FMNL2: variants seen among roughly 807,000 people sequenced by gnomAD.
FMNL2 encodes formin-like protein 2.
FMNL2 carries 51 observed loss-of-function variants against 130.2 expected under a neutral mutation model. The ratio of observed to expected loss-of-function variants is 0.39; its 90% CI spans 0.31 to 0.49. The LOEUF (loss-of-function observed/expected upper bound fraction) is 0.49. Among genes scored for constraint, FMNL2 ranks in the 20% least tolerant of loss-of-function variants. The pLI, the probability that FMNL2 is intolerant of heterozygous loss-of-function variation, is 0.85. For synonymous variants in FMNL2, 465 were observed against 467.1 expected (o/e 1.00, Z 0.06); for missense variants, 977 against 1,316.2 (o/e 0.74, Z 3.99).
At chr2:152,539,059 A>G (rs984969596) in intron 2 of FMNL2, 1 of 152,136 alleles carries the variant, frequency 6.6e-6, no homozygotes, top group Non-Finnish European at 1.5e-5. Flanking sequence ...AAACTGCTTC[A>G]TATCCCATGT....
intron 15 of FMNL2, among the ~76,000 whole-genome samples, chr2:152,623,687 C>G (rs1199854818): frequency 6.6e-6 from 1 of 152,110 alleles, no homozygotes; most frequent in African/African-American, 2.4e-5. Flanking sequence ...CTAATAATGA[C>G]AAATAGTGAA....
intron 5 of FMNL2, 113 bp from the exon 6 acceptor site, chr2:152,560,770 G>A: frequency 2.1e-6 from 2 of 947,470 alleles, no homozygotes; most frequent in Non-Finnish European, 2.9e-6. Context: ...TGTTTACAAA[G>A]ACTTTCCATA....
At chr2:152,337,044 G>T (rs1190699168) in intron 1 of FMNL2, among the ~76,000 whole-genome samples, 2 of 152,186 alleles carry the variant, frequency 1.3e-5, no homozygotes, top group Admixed American at 6.5e-5. Context: ...TGATGTTCTG[G>T]ATGGCAGGTT....
intron 1 of FMNL2, among the ~76,000 whole-genome samples, chr2:152,342,586 A>G (rs1482120759): frequency 6.6e-6 from 1 of 152,196 alleles, no homozygotes; most frequent in African/African-American, 2.4e-5. Context: ...GAGATAGCTC[A>G]TTGCTTGTCT....
chr2:152,542,909 A>G, intron 3 of FMNL2, 90 bp downstream of exon 3: 1 of 1,398,546 alleles, frequency 7.2e-7, no homozygotes, highest in Non-Finnish European at 1.0e-6. Context: ...CTTCCTCTGC[A>G]TTAGAGCCTC....
intron 3 of FMNL2, among the ~76,000 whole-genome samples, chr2:152,543,729 CA>C (rs71394490): frequency 0.042 from 2,554 of 61,284 alleles, 48 homozygotes; most frequent in East Asian, 0.23. Flanking sequence ...ACCCCCCGAC[CA>C]AAAAAAAAAA....
intron 9 of FMNL2, among the ~76,000 whole-genome samples, chr2:152,606,385 A>T (rs1451234820): frequency 6.6e-6 from 1 of 152,200 alleles, no homozygotes; most frequent in Non-Finnish European, 1.5e-5. Flanking sequence ...TCAACCAAGG[A>T]CATTGACAGA....
intron 1 of FMNL2, among the ~76,000 whole-genome samples, chr2:152,387,945 C>T (rs1196435038): frequency 7.2e-5 from 11 of 152,126 alleles, no homozygotes; most frequent in South Asian, 4.2e-4. Context: ...TGGGCCACTG[C>T]GCTTGGCTGC....
Position 152,496,787 on chromosome 2 carries a change from T to C in FMNL2, c.118-25156T>C, listed in dbSNP as rs577565043. 2.6e-5 allele frequency among the ~76,000 whole-genome samples: 4 copies of C among 152,320 alleles called. No homozygotes were observed. The South Asian group carries it at 8.3e-4, about 32-fold the overall frequency. On this transcript the variant is annotated intron_variant, in intron 1 of 25. Coordinates refer to ENST00000288670, the MANE Select transcript of FMNL2 (RefSeq NM_052905.4). ...TTATTTATTATATTGCTCAAATTGT[T>C]CCAGATTTGGCTATTGTGAGGTCCT...
chr2:152,464,687 G>A (rs1422500639), intron 1 of FMNL2, among the ~76,000 whole-genome samples: 1 of 152,200 alleles, frequency 6.6e-6, no homozygotes, highest in East Asian at 1.9e-4. Context: ...AAACAGATCA[G>A]CGTGTGAGGA....
At chr2:152,409,356 G>A (rs1033341332) in intron 1 of FMNL2, among the ~76,000 whole-genome samples, 2 of 152,066 alleles carry the variant, frequency 1.3e-5, no homozygotes, top group African/African-American at 4.8e-5. Flanking sequence ...GTTTTTTTTG[G>A]TGAGGATATG....
At chr2:152,596,956 A>G (rs973476153) in intron 9 of FMNL2, among the ~76,000 whole-genome samples, 12 of 152,232 alleles carry the variant, frequency 7.9e-5, no homozygotes, top group Non-Finnish European at 1.3e-4. Context: ...ATTAAAATCT[A>G]TTTGCCTATA....
intron 9 of FMNL2, among the ~76,000 whole-genome samples, chr2:152,589,364 C>T (rs975831045): frequency 2.6e-5 from 4 of 152,044 alleles, no homozygotes; most frequent in South Asian, 2.1e-4. Flanking sequence ...GTGTTGCTGC[C>T]GTGTTATTTC....
At chr2:152,557,194 A>C (rs147010912) in intron 4 of FMNL2, among the ~76,000 whole-genome samples, 36 of 152,254 alleles carry the variant, frequency 2.4e-4, no homozygotes, top group African/African-American at 8.4e-4. Context: ...ATAAGTATCT[A>C]GTAGGTGCTG....
At chr2:152,474,965 T>C (rs923167585) in intron 1 of FMNL2, among the ~76,000 whole-genome samples, 3 of 152,202 alleles carry the variant, frequency 2.0e-5, no homozygotes, top group African/African-American at 4.8e-5. Context: ...GTGACTGGAA[T>C]AAAAACTTCA....
Position 152,632,107 on chromosome 2 carries a change from G to C in FMNL2, c.2650G>C (p.Glu884Gln). ...KYHQVSLFYNELHYVEKAAAV... is the reference protein window; with the variant it reads ...KYHQVSLFYNQLHYVEKAAAV... ...TCACCAAGTGTCCCTGTTTTATAAT[G>C]AGCTTCATTATGTGGAAAAAGCTGC... The change falls in exon 21 of 26, where the codon GAG (glutamate) becomes CAG (glutamine). Residue 884 changes from glutamate (E) to glutamine (Q), a missense_variant. Coordinates refer to ENST00000288670, the MANE Select transcript of FMNL2 (RefSeq NM_052905.4). 6.2e-7 allele frequency: 1 copy of C among 1,612,466 alleles called. No homozygotes were observed. The highest frequency in any genetic ancestry group is 8.5e-7 in the Non-Finnish European group (1 of 1,179,198).
chr2:152,522,668 C>G (rs955999043), intron 2 of FMNL2, among the ~76,000 whole-genome samples: 2 of 152,086 alleles, frequency 1.3e-5, no homozygotes, highest in African/African-American at 2.4e-5. Context: ...TCTTTTCTGC[C>G]TCCATATGAG....
At position 152,467,657 on chromosome 2, in the gene FMNL2, T is replaced by C. The variant is rs888942167; in HGVS notation, c.118-54286T>C. Among the ~76,000 whole-genome samples the C allele has an allele frequency of 1.4e-4, 21 of 152,314 alleles. 1 individual carries two copies. The South Asian group carries it at 3.5e-3, about 26-fold the overall frequency. ...TTGTTTGTGGAGGATGTAAATGATA[T>C]AGGGTTAATTCTGATTGCCATCTTC... On this transcript the variant is annotated intron_variant, in intron 1 of 25. Coordinates refer to ENST00000288670, the MANE Select transcript of FMNL2 (RefSeq NM_052905.4).
chr2:152,478,716 A>T (rs1690309965), intron 1 of FMNL2, among the ~76,000 whole-genome samples: 2 of 152,176 alleles, frequency 1.3e-5, no homozygotes, highest in African/African-American at 4.8e-5. Context: ...TTCATAATAT[A>T]AAGACTAATG....
Sources: gnomAD v4.1 joint callset for allele counts (sites outside exome capture counted in the v4.1 genomes callset) on GRCh38, gnomAD v4.1.1 for gene constraint, MANE v1.5 for transcripts, NCBI Gene and HGNC (gene_info 2026-07-23, HGNC 2026-07-21) for gene names.